Variants in ALPK3 observed in about 807,000 individuals in gnomAD.
ALPK3 encodes the protein alpha-protein kinase 3.
Under a neutral mutation model 140.0 loss-of-function variants are expected in ALPK3, and 102 were observed. The ratio of observed to expected loss-of-function variants is 0.73; its 90% CI spans 0.62 to 0.86. The LOEUF (loss-of-function observed/expected upper bound fraction) is 0.86. Among genes scored for constraint, ALPK3 ranks in the 40% least tolerant of loss-of-function variants. The probability of loss-of-function intolerance (pLI) is 0.00; values close to 1 mark genes in which losing one functional copy is unlikely to be tolerated. For missense variants in ALPK3, 2,254 were observed against 2,208.2 expected (o/e 1.02, Z -0.42); for synonymous variants, 938 against 898.5 (o/e 1.04, Z -0.79).
At chr15:84,824,378 C>A (rs1463693292) in intron 2 of ALPK3, among the ~76,000 whole-genome samples, 1 of 152,206 alleles carries the variant, frequency 6.6e-6, no homozygotes, top group Non-Finnish European at 1.5e-5. Flanking sequence ...CTGTTACAAT[C>A]AAAATGGGAA....
At position 84,839,862 on chromosome 15, in the gene ALPK3, G is replaced by A. The variant is rs745476445; in HGVS notation, c.583G>A (p.Glu195Lys). The change falls in exon 5 of 14, where the codon GAG (glutamate) becomes AAG (lysine). Residue 195 changes from glutamate (E) to lysine (K), a missense_variant. By Grantham distance (56) the Glu-to-Lys change is moderately conservative (BLOSUM62 1). Transcript: ENST00000258888. ...LKRKAAAKLR[E>K]IEQSWKHEKA... is the part of the protein sequence containing the mutation. ...GCGCAAGGCTGCGGCAAAGCTGCGC[G>A]AGATCGAGCAGAGCTGGAAGCACGA... 6.8e-6 allele frequency: 11 copies of A among 1,613,986 alleles called. No homozygotes were observed. Among genetic ancestry groups the A allele is most frequent in the Non-Finnish European group, 7.6e-6 (9 of 1,180,054 alleles).
At position 84,858,083 on chromosome 15, in the gene ALPK3, G is replaced by C. The variant is rs1407682224; in HGVS notation, c.3345G>C (p.Leu1115=). Residue 1115 remains leucine (L), a synonymous_variant, in exon 6 of 14, where the codon CTG becomes CTC. Coordinates refer to ENST00000258888, the MANE Select transcript of ALPK3 (RefSeq NM_020778.5). ...ASQESSMAGR[L]GEAGGQAAPG... is the part of the protein sequence containing the mutation. ...AGGAGAGCAGCATGGCTGGTCGACT[G>C]GGGGAGGCGGGTGGGCAGGCAGCCC... 3.2e-6 allele frequency: 5 copies of C among 1,567,772 alleles called. No individual in the cohort carries two copies. The South Asian group carries it at 3.6e-5, about 11-fold the overall frequency.
At position 84,857,175 on chromosome 15, in the gene ALPK3, G is replaced by T; in HGVS notation, c.2437G>T (p.Val813Leu). 1 of 1,614,098 alleles carries T rather than the reference G, an allele frequency of 6.2e-7. No homozygotes were observed. The highest frequency in any genetic ancestry group is 1.6e-4 in the Middle Eastern group (1 of 6,062). Reference protein sequence around the residue: ...QPPHEGSVEQVGGERCRGPQS... With the variant: ...QPPHEGSVEQLGGERCRGPQS... ...GCCCCATGAGGGGAGTGTGGAGCAG[G>T]TGGGAGGAGAGAGATGCCGAGGGCC... is the stretch of plus-strand genomic sequence containing the variant. The change falls in exon 6 of 14, where the codon GTG becomes TTG. Residue 813 changes from valine (V) to leucine (L), a missense_variant. Val to Leu is a conservative substitution (Grantham distance 32). Transcript: ENST00000258888.
At chr15:84,833,843 C>A (rs1963569535) in intron 3 of ALPK3, among the ~76,000 whole-genome samples, 1 of 152,168 alleles carries the variant, frequency 6.6e-6, no homozygotes, top group South Asian at 2.1e-4. Flanking sequence ...TAGCTCCTGT[C>A]TCCCCCAGGG....
rs1963810901 is a variant in ALPK3, at chr15:84,852,105, G to A, written c.1654-4287G>A. Among the ~76,000 whole-genome samples, 5 of 152,238 alleles carry A rather than the reference G, an allele frequency of 3.3e-5. No homozygotes were observed. In the Middle Eastern group the frequency reaches 0.017, roughly 518 times the overall value. On this transcript the variant is annotated intron_variant, in intron 5 of 13. Transcript: ENST00000258888. ...TGTCCTATACATACACACCTATTAT[G>A]AAGTTTAGTTTATAAATTAGGCACC...
At chr15:84,831,922 G>T in intron 3 of ALPK3, among the ~76,000 whole-genome samples, 1 of 152,170 alleles carries the variant, frequency 6.6e-6, no homozygotes, top group East Asian at 1.9e-4. Flanking sequence ...AGATCAGAGG[G>T]TTGGGTGGGC....
chr15:84,822,081 G>A (rs562978531), intron 1 of ALPK3, among the ~76,000 whole-genome samples: 2 of 152,208 alleles, frequency 1.3e-5, no homozygotes, highest in African/African-American at 4.8e-5. Flanking sequence ...CTGGGGGACT[G>A]CAGCATTTTG....
rs1354989120 is a variant in ALPK3 at position 84,864,643 on chromosome 15, C to T, written c.4701C>T (p.Ser1567=). 6.2e-7 allele frequency: 1 copy of T among 1,613,986 alleles called. No individual in the cohort carries two copies. The highest frequency in any genetic ancestry group is 1.3e-5 in the African/African-American group (1 of 74,928). The change falls in exon 12 of 14, where the codon AGC becomes AGT. Residue 1567 remains serine, a synonymous_variant. Coordinates refer to ENST00000258888, the MANE Select transcript of ALPK3 (RefSeq NM_020778.5). ...QHWLYQWTNG[S]FLVTDLAGVD... is the part of the protein sequence containing the mutation. ...GGCTGTATCAGTGGACAAATGGCAG[C>T]TTCCTTGTCACAGACTTGGCAGGTA...
intron 1 of ALPK3, among the ~76,000 whole-genome samples, chr15:84,821,466 G>A (rs1474149521): frequency 6.6e-6 from 1 of 152,206 alleles, no homozygotes; most frequent in African/African-American, 2.4e-5. Flanking sequence ...CTGAAAGAGA[G>A]GGACAAATGA....
At position 84,817,537 on chromosome 15, in the gene ALPK3, G is replaced by T. The variant is rs1386368235; in HGVS notation, c.85G>T (p.Val29Leu). The T allele has an allele frequency of 6.7e-7, 1 of 1,500,226 alleles. No individual in the cohort carries two copies. The highest frequency in any genetic ancestry group is 2.1e-5 in the Admixed American group (1 of 47,980). 92.9% of individuals were successfully genotyped at this position (1,500,226 alleles called of 1,614,324 possible). A position where few individuals can be genotyped will look rare whatever the true frequency, so the allele number is the denominator to read the frequency against. The change falls in exon 1 of 14, where the codon GTG becomes TTG. Residue 29 changes from valine to leucine, a missense_variant. Physicochemically the swap from Val to Leu is conservative, Grantham distance 32 (BLOSUM62 1). Transcript: ENST00000258888. ...AGGDGEDDGP[V>L]WIPSPASRSY... ...GGGCGACGGTGAGGACGACGGCCCC[G>T]TGTGGATCCCCAGCCCAGCCAGCCG...
rs761330284 is a variant in ALPK3 at position 84,856,391 on chromosome 15, G to A, written c.1654-1G>A. On this transcript the variant is annotated splice_acceptor_variant, in intron 5 of 13. Transcript: ENST00000258888. LOFTEE classifies it high-confidence loss of function. ...CCTTGCTTTTGTCCCTCTGTTTTCA[G>A]GTCCTGGAATGCCAGACAACCACGG... 1.4e-5 allele frequency: 23 copies of A among 1,586,366 alleles called. No individual in the cohort carries two copies. Among genetic ancestry groups the A allele is most frequent in the Non-Finnish European group, 2.0e-5 (23 of 1,169,244 alleles).
intron 5 of ALPK3, among the ~76,000 whole-genome samples, chr15:84,849,733 A>C (rs750402087): frequency 2.0e-5 from 3 of 152,158 alleles, no homozygotes; most frequent in Non-Finnish European, 4.4e-5. Context: ...ACATACCAAA[A>C]TGTTGGATGC....
chr15:84,848,337 G>T (rs1210247356), intron 5 of ALPK3, among the ~76,000 whole-genome samples: 1 of 152,082 alleles, frequency 6.6e-6, no homozygotes, highest in Admixed American at 6.5e-5. Context: ...ATAGGGTAAA[G>T]AGACCTATAT....
In ALPK3 at chr15:84,839,861, C is replaced by T. The variant is rs780854741; in HGVS notation, c.582C>T (p.Arg194=). ...AGCGCAAGGCTGCGGCAAAGCTGCG[C>T]GAGATCGAGCAGAGCTGGAAGCACG... ...KLKRKAAAKL[R]EIEQSWKHEK... is the part of the protein sequence containing the mutation. Residue 194 remains arginine, a synonymous_variant, in exon 5 of 14, where the codon CGC becomes CGT. Coordinates refer to ENST00000258888, the MANE Select transcript of ALPK3 (RefSeq NM_020778.5). 10 of 1,614,072 alleles carry T rather than the reference C, an allele frequency of 6.2e-6. No individual in the cohort carries two copies. Among genetic ancestry groups the T allele is most frequent in the Non-Finnish European group, 8.5e-6 (10 of 1,180,030 alleles).
Position 84,858,036 on chromosome 15 carries a change from C to A in ALPK3, c.3298C>A (p.Pro1100Thr). The change falls in exon 6 of 14, where the codon CCT (proline) becomes ACT (threonine). Residue 1100 changes from proline to threonine, a missense_variant. Around this residue, in one of 3 missense-constraint regions of ALPK3, gnomAD observed 2,088 missense variants for 2,022.9 expected, o/e 1.03. Transcript: ENST00000258888. ...EGEGEVSPEG[P>T]GLLGASQESS... Reference sequence around the variant, plus strand: ...TGAAGGAGAGGTTTCCCCTGAGGGGCCTGGCCTCCTGGGGGCCTCTCAGGA... The same window carrying A: ...TGAAGGAGAGGTTTCCCCTGAGGGGACTGGCCTCCTGGGGGCCTCTCAGGA... 6.4e-7 allele frequency: 1 copy of A among 1,569,136 alleles called. No individual in the cohort carries two copies. The highest frequency in any genetic ancestry group is 1.2e-5 in the South Asian group (1 of 83,386).
At chr15:84,822,497 G>A (rs1406404583) in intron 1 of ALPK3, among the ~76,000 whole-genome samples, 5 of 152,210 alleles carry the variant, frequency 3.3e-5, no homozygotes, top group Non-Finnish European at 1.5e-5. Context: ...GATAGGGACA[G>A]CCGAAGGGAG....
At chr15:84,860,459 G>A (rs1246005618) in intron 9 of ALPK3, among the ~76,000 whole-genome samples, 4 of 152,116 alleles carry the variant, frequency 2.6e-5, no homozygotes, top group East Asian at 3.9e-4. Context: ...GGTCCCTGCT[G>A]CACTGCAGAC....
chr15:84,829,016 T>G (rs551736141), intron 3 of ALPK3, among the ~76,000 whole-genome samples: 31 of 152,340 alleles, frequency 2.0e-4, no homozygotes, highest in African/African-American at 7.5e-4. Context: ...TTAAAGAAAA[T>G]TAAATTTTAC....
At chr15:84,824,136 C>A (rs1005951798) in intron 2 of ALPK3, among the ~76,000 whole-genome samples, 13 of 152,160 alleles carry the variant, frequency 8.5e-5, no homozygotes, top group African/African-American at 3.1e-4. Flanking sequence ...TCTCCTTTTA[C>A]CTCCTCTTTC....
Sources: allele counts gnomAD v4.1 joint callset (sites outside exome capture counted in the v4.1 genomes callset), GRCh38; gene constraint gnomAD v4.1.1; regional missense constraint gnomAD v4.1.1; transcripts MANE v1.5; gene names NCBI Gene and HGNC (gene_info 2026-07-23, HGNC 2026-07-21).